FOXP1: variants seen among roughly 807,000 people sequenced by gnomAD.
FOXP1 encodes forkhead box P1.
FOXP1 carries 15 observed loss-of-function variants against 98.2 expected under a neutral mutation model. The observed-to-expected ratio is 0.15, with a 90% CI of 0.10 to 0.24. The LOEUF (loss-of-function observed/expected upper bound fraction) is 0.24. FOXP1 is among the 10% of genes least tolerant of loss of function. FOXP1 has a pLI of 1.00. For synonymous variants in FOXP1, 371 were observed against 314.5 expected, an observed-to-expected ratio of 1.18 and a Z score of -1.90; for missense variants, 633 against 848.5, an observed-to-expected ratio of 0.75 and a Z score of 3.15.
At chr3:71,482,515 C>G (rs1230262829) in intron 3 of FOXP1, among the ~76,000 whole-genome samples, 1 of 151,836 alleles carries the variant, frequency 6.6e-6, no homozygotes, top group African/African-American at 2.4e-5. Flanking sequence ...GTTAGGGTAA[C>G]TGGGATTACC....
chr3:71,091,786 C>T (rs901973302), intron 7 of FOXP1, among the ~76,000 whole-genome samples: 3 of 151,926 alleles, frequency 2.0e-5, no homozygotes, highest in Non-Finnish European at 4.4e-5. Context: ...AAACAAAGAC[C>T]AATAAACTTC....
chr3:71,561,956 C>G (rs2046574668), intron 2 of FOXP1, among the ~76,000 whole-genome samples: 1 of 152,154 alleles, frequency 6.6e-6, no homozygotes, highest in South Asian at 2.1e-4. Context: ...CTTCTACTTG[C>G]AAAGCCAAGG....
At position 70,955,368 on chromosome 3, in the gene FOXP1, A is replaced by G. The variant is rs1267825116; in HGVS notation, c.*3879T>C. Reference sequence around the variant, plus strand: ...ACTGGTGGTAACTCTTCACGTATGTACATAAGCCTTGATATTCCATTTTGT... The same window carrying G: ...ACTGGTGGTAACTCTTCACGTATGTGCATAAGCCTTGATATTCCATTTTGT... On this transcript the variant is annotated 3_prime_UTR_variant, in exon 21 of 21. Coordinates refer to ENST00000649528, the MANE Select transcript of FOXP1 (RefSeq NM_001349338.3). 4.3e-6 allele frequency: 1 copy of G among 232,898 alleles called. No individual in the cohort carries two copies. Among genetic ancestry groups the G allele is most frequent in the African/African-American group, 2.2e-5 (1 of 45,310 alleles). The allele number at this position is 232,898 out of a possible 1,614,324, so 14.4% of individuals were successfully genotyped here.
chr3:71,286,097 T>G (rs1048136775), intron 5 of FOXP1, among the ~76,000 whole-genome samples: 15 of 152,240 alleles, frequency 9.9e-5, no homozygotes, highest in Admixed American at 9.8e-4. Context: ...TGTTACCTAA[T>G]GTCAGTCACT....
intron 2 of FOXP1, among the ~76,000 whole-genome samples, chr3:71,575,511 C>G (rs937942066): frequency 2.0e-5 from 3 of 152,116 alleles, no homozygotes; most frequent in African/African-American, 7.2e-5. Context: ...CACTTTGAAC[C>G]AGGCTGAATT....
At chr3:71,544,115 T>C (rs1406005453) in intron 2 of FOXP1, among the ~76,000 whole-genome samples, 3 of 151,712 alleles carry the variant, frequency 2.0e-5, no homozygotes, top group African/African-American at 7.3e-5. Flanking sequence ...CTATGTCTTT[T>C]AGGAAAATCA....
chr3:71,010,772 A>G (rs2043475577), intron 12 of FOXP1, among the ~76,000 whole-genome samples: 1 of 152,150 alleles, frequency 6.6e-6, no homozygotes, highest in Non-Finnish European at 1.5e-5. Flanking sequence ...TTCAGGATCT[A>G]TGAATCCAGC....
chr3:71,180,452 A>G (rs1352488874), intron 6 of FOXP1, among the ~76,000 whole-genome samples: 1 of 152,190 alleles, frequency 6.6e-6, no homozygotes, highest in African/African-American at 2.4e-5. Flanking sequence ...GTTTTAAAAA[A>G]AAATGCAGGC....
intron 6 of FOXP1, among the ~76,000 whole-genome samples, chr3:71,144,270 T>G (rs2060201992): frequency 6.6e-6 from 1 of 152,120 alleles, no homozygotes; most frequent in Non-Finnish European, 1.5e-5. Flanking sequence ...CACTAGTGTA[T>G]GTACTGAACT....
At chr3:71,253,091 G>A (rs1220572465) in intron 5 of FOXP1, among the ~76,000 whole-genome samples, 1 of 152,156 alleles carries the variant, frequency 6.6e-6, no homozygotes, top group Non-Finnish European at 1.5e-5. Flanking sequence ...ATGGCCTGAT[G>A]CATATAGTGC....
At chr3:71,581,249 G>A (rs1054497160) in intron 2 of FOXP1, 2 of 985,374 alleles carry the variant, frequency 2.0e-6, no homozygotes, top group South Asian at 4.7e-5. Flanking sequence ...TAAGAGGGGA[G>A]TGGGGTGAGA....
intron 3 of FOXP1, among the ~76,000 whole-genome samples, chr3:71,374,096 C>T (rs143484672): frequency 2.0e-4 from 31 of 152,204 alleles, no homozygotes; most frequent in Admixed American, 4.6e-4. Context: ...AAAATATTGA[C>T]GGTGTACGTT....
intron 5 of FOXP1, among the ~76,000 whole-genome samples, chr3:71,206,008 A>C (rs1157923752): frequency 2.0e-5 from 3 of 152,256 alleles, no homozygotes; most frequent in Admixed American, 2.0e-4. Flanking sequence ...TGGAAGAAGC[A>C]TTCAGATTAA....
At chr3:71,394,622 A>G (rs1051857322) in intron 3 of FOXP1, among the ~76,000 whole-genome samples, 5 of 152,238 alleles carry the variant, frequency 3.3e-5, no homozygotes, top group Non-Finnish European at 7.3e-5. Context: ...TGTATTTTGT[A>G]TATGACTTTG....
chr3:71,402,349 G>C (rs561852228), intron 3 of FOXP1, among the ~76,000 whole-genome samples: 1 of 152,236 alleles, frequency 6.6e-6, no homozygotes, highest in East Asian at 1.9e-4. Context: ...CAGCTACTTG[G>C]GGGGCTGAAG....
At chr3:71,064,879 C>G in intron 7 of FOXP1, 1 of 942,090 alleles carries the variant, frequency 1.1e-6, no homozygotes, top group Non-Finnish European at 1.3e-6. Context: ...GGCGCCCGCG[C>G]GGGCCGGGCG....
In FOXP1 at chr3:71,422,180, T is replaced by G. The variant is rs57814624; in HGVS notation, c.-167-62936A>C. 4.1e-3 allele frequency among the ~76,000 whole-genome samples: 620 copies of G among 152,272 alleles called. 2 individuals carry two copies. The highest frequency in any genetic ancestry group is 0.014 in the African/African-American group (597 of 41,540). On this transcript the variant is annotated intron_variant, in intron 3 of 20. Transcript: ENST00000649528. ...TCTAACACAAGTCAAGGACAACACG[T>G]AAGGAAGTTAGAAGTCAAGGGGAGT...
intron 5 of FOXP1, among the ~76,000 whole-genome samples, chr3:71,229,514 T>C (rs2066111741): frequency 6.6e-6 from 1 of 151,820 alleles, no homozygotes; most frequent in Admixed American, 6.6e-5. Context: ...CCCTATGGAG[T>C]GTGTTCATGA....
chr3:71,404,002 C>T (rs918381008), intron 3 of FOXP1, among the ~76,000 whole-genome samples: 3 of 151,380 alleles, frequency 2.0e-5, no homozygotes, highest in Admixed American at 1.3e-4. Context: ...TGAATGATAA[C>T]AAAAGATGTC....
Sources: allele counts gnomAD v4.1 joint callset (sites outside exome capture counted in the v4.1 genomes callset), GRCh38; gene constraint gnomAD v4.1.1; transcripts MANE v1.5; gene names NCBI Gene and HGNC (gene_info 2026-07-23, HGNC 2026-07-21).